NLGN1: variants seen among roughly 807,000 people sequenced by gnomAD.
NLGN1 encodes neuroligin-1.
NLGN1 carries 12 observed loss-of-function variants against 65.5 expected under a neutral mutation model. The ratio of observed to expected loss-of-function variants is 0.18; its 90% CI spans 0.12 to 0.30. NLGN1 has a LOEUF of 0.30. Ranked by LOEUF, NLGN1 falls within the 10% of genes least tolerant of loss-of-function variation. NLGN1 has a pLI of 1.00. For missense variants in NLGN1, 750 were observed against 1,007.1 expected, an observed-to-expected ratio of 0.74 and a Z score of 3.46; for synonymous variants, 350 against 359.5, an observed-to-expected ratio of 0.97 and a Z score of 0.30.
chr3:174,103,159 A>T (rs1427532914), intron 4 of NLGN1, among the ~76,000 whole-genome samples: 1 of 152,222 alleles, frequency 6.6e-6, no homozygotes, highest in Admixed American at 6.6e-5. Flanking sequence ...TAGAAGTCAT[A>T]GTGAGTAACA....
chr3:173,410,378 G>T (rs185562490), intron 1 of NLGN1, among the ~76,000 whole-genome samples: 10 of 152,280 alleles, frequency 6.6e-5, no homozygotes, highest in African/African-American at 2.4e-4. Flanking sequence ...CTAAGCACTG[G>T]GTGGGACATG....
In NLGN1 at chr3:173,497,605, A is replaced by G. The variant is rs868104424; in HGVS notation, c.-321+62527A>G. The stretch of plus-strand genomic sequence containing the variant: ...AAATAACAAAATAATTAAACAACCA[A>G]AAGGTAGTGTGTAAGCTACAAAAAA... On this transcript the variant is annotated intron_variant, in intron 2 of 6. Coordinates refer to ENST00000457714, the Ensembl canonical transcript of NLGN1. Among the ~76,000 whole-genome samples the G allele has an allele frequency of 2.0e-5, 3 of 151,858 alleles. No individual in the cohort carries two copies. In the Middle Eastern group the frequency reaches 0.01, roughly 517 times the overall value.
chr3:173,455,497 A>G (rs1722351446), intron 2 of NLGN1, among the ~76,000 whole-genome samples: 1 of 152,168 alleles, frequency 6.6e-6, no homozygotes, highest in African/African-American at 2.4e-5. Flanking sequence ...GATCACCCTA[A>G]TAGATACAAT....
At chr3:173,895,073 C>T (rs1029810258) in intron 4 of NLGN1, among the ~76,000 whole-genome samples, 4 of 152,072 alleles carry the variant, frequency 2.6e-5, no homozygotes, top group African/African-American at 7.2e-5. Context: ...TTTTTGGTGC[C>T]GGGAGGGGGG....
chr3:173,499,061 A>C (rs1054844190), intron 2 of NLGN1, among the ~76,000 whole-genome samples: 5 of 150,608 alleles, frequency 3.3e-5, no homozygotes, highest in Admixed American at 2.0e-4. Context: ...TAGTTGAATT[A>C]GATCCCATTT....
intron 4 of NLGN1, among the ~76,000 whole-genome samples, chr3:174,230,261 G>A (rs1404158840): frequency 6.6e-6 from 1 of 152,016 alleles, no homozygotes; most frequent in East Asian, 1.9e-4. Flanking sequence ...ATTTTCCTAG[G>A]AAAATTTTAA....
intron 2 of NLGN1, among the ~76,000 whole-genome samples, chr3:173,496,897 C>T (rs1409726483): frequency 2.0e-5 from 3 of 151,684 alleles, no homozygotes; most frequent in Non-Finnish European, 2.9e-5. Flanking sequence ...TTATAGTCTT[C>T]CAGAAGACTT....
rs535571810 is a variant in NLGN1 at position 173,454,480 on chromosome 3, T to A, written c.-321+19402T>A. Among the ~76,000 whole-genome samples, 14 of 152,354 alleles carry A rather than the reference T, an allele frequency of 9.2e-5. No individual in the cohort carries two copies. In the South Asian group the frequency reaches 2.9e-3, roughly 32 times the overall value. ...GAAAGCCTACAAGCCAGGCTTACTGTAGCCACCTTCATCAGTGATCTTAGC... is the reference window on the plus strand; with the variant it reads ...GAAAGCCTACAAGCCAGGCTTACTGAAGCCACCTTCATCAGTGATCTTAGC... On this transcript the variant is annotated intron_variant, in intron 2 of 6. Coordinates refer to ENST00000457714, the Ensembl canonical transcript of NLGN1.
At chr3:173,710,073 TTTAA>T (rs1157079940) in intron 3 of NLGN1, among the ~76,000 whole-genome samples, 7 of 152,186 alleles carry the variant, frequency 4.6e-5, no homozygotes, top group Non-Finnish European at 7.4e-5. Flanking sequence ...TGGACATATC[TTTAA>T]TTAAGTTTGA....
intron 4 of NLGN1, among the ~76,000 whole-genome samples, chr3:173,943,069 A>T (rs932864782): frequency 2.6e-5 from 4 of 151,938 alleles, no homozygotes. Context: ...TACAAAAAAT[A>T]TAAAAAATTA....
intron 2 of NLGN1, among the ~76,000 whole-genome samples, chr3:173,531,920 T>G (rs1169506423): frequency 6.6e-6 from 1 of 152,142 alleles, no homozygotes; most frequent in Non-Finnish European, 1.5e-5. Flanking sequence ...CTGTTTTCTC[T>G]TATTAAGTTT....
chr3:174,270,083 T>C lies in NLGN1; in HGVS notation c.647-5232T>C, dbSNP rs1749064786. 9.2e-5 allele frequency among the ~76,000 whole-genome samples: 14 copies of C among 151,492 alleles called. No individual in the cohort carries two copies. The South Asian group carries it at 2.7e-3, about 29-fold the overall frequency. ...CTGGATATTAATACTTTATCAAATA[T>C]ATAATTTGCAATTGTTTTCTCCCAT... is the stretch of plus-strand genomic sequence containing the variant. On this transcript the variant is annotated intron_variant, in intron 4 of 6. Coordinates refer to ENST00000457714, the Ensembl canonical transcript of NLGN1.
intron 4 of NLGN1, among the ~76,000 whole-genome samples, chr3:174,104,355 GC>G (rs1713243251): frequency 6.6e-6 from 1 of 151,840 alleles, no homozygotes; most frequent in Non-Finnish European, 1.5e-5. Context: ...ATTTCACTGG[GC>G]TATATTTATA....
At chr3:174,004,462 A>G (rs1408514375) in intron 4 of NLGN1, among the ~76,000 whole-genome samples, 1 of 152,094 alleles carries the variant, frequency 6.6e-6, no homozygotes, top group Non-Finnish European at 1.5e-5. Context: ...AGTATCTTCA[A>G]ATTTTATATA....
chr3:173,889,133 A>T (rs944441123), intron 4 of NLGN1, among the ~76,000 whole-genome samples: 1 of 152,130 alleles, frequency 6.6e-6, no homozygotes, highest in Non-Finnish European at 1.5e-5. Context: ...TGAAACTGTT[A>T]TTTCTCATCC....
chr3:174,210,810 C>A (rs1736317553), intron 4 of NLGN1, among the ~76,000 whole-genome samples: 1 of 152,182 alleles, frequency 6.6e-6, no homozygotes, highest in Admixed American at 6.5e-5. Context: ...TGAGGGTGGT[C>A]CCATAAGATT....
chr3:173,906,763 A>T (rs1483605817), intron 4 of NLGN1, among the ~76,000 whole-genome samples: 1 of 151,650 alleles, frequency 6.6e-6, no homozygotes, highest in Non-Finnish European at 1.5e-5. Flanking sequence ...ACACAGGAGG[A>T]TCACTTGAGC....
At chr3:173,644,833 A>T (rs1476276002) in intron 3 of NLGN1, 1 of 152,912 alleles carries the variant, frequency 6.5e-6, no homozygotes, top group African/African-American at 2.4e-5. Context: ...GCCAGGCCTC[A>T]GCCCTGTAGG....
intron 2 of NLGN1, among the ~76,000 whole-genome samples, chr3:173,464,652 C>T (rs369159713): frequency 5.9e-5 from 9 of 152,224 alleles, no homozygotes; most frequent in African/African-American, 9.6e-5. Context: ...TCAGGCTGCT[C>T]TCGAACTCCC....
Sources: allele counts gnomAD v4.1 joint callset (sites outside exome capture counted in the v4.1 genomes callset), GRCh38; gene constraint gnomAD v4.1.1; transcripts MANE v1.5; gene names NCBI Gene and HGNC (gene_info 2026-07-23, HGNC 2026-07-21).